The following ADAMTSL1 variants were observed in gnomAD, a reference collection of about 807,000 sequenced individuals.
The protein encoded by ADAMTSL1 is ADAMTS like 1.
In ADAMTSL1, 126 loss-of-function variants were observed where a neutral mutation model predicts 201.8. That is an observed-to-expected ratio of 0.62 (90% confidence interval 0.54 to 0.72). The LOEUF is 0.72. Among genes scored for constraint, ADAMTSL1 ranks in the 30% least tolerant of loss-of-function variants. The pLI, the probability that ADAMTSL1 is intolerant of heterozygous loss-of-function variation, is 0.00. For synonymous variants in ADAMTSL1, 1,121 were observed against 903.4 expected, an observed-to-expected ratio of 1.24 and a Z score of -4.32; for missense variants, 2,679 against 2,277.8, an observed-to-expected ratio of 1.18 and a Z score of -3.59.
intron 1 of ADAMTSL1, among the ~76,000 whole-genome samples, chr9:17,923,554 A>G (rs538368599): frequency 1.3e-5 from 2 of 151,246 alleles, no homozygotes; most frequent in African/African-American, 2.4e-5. Context: ...TAGATATACA[A>G]TCATGTCGTC....
chr9:18,523,211 A>T (rs561518931), intron 2 of ADAMTSL1, among the ~76,000 whole-genome samples: 4 of 152,136 alleles, frequency 2.6e-5, no homozygotes, highest in African/African-American at 9.6e-5. Flanking sequence ...GCATTTTTTC[A>T]TGTGTCTGTT....
At position 18,721,498 on chromosome 9, in the gene ADAMTSL1, A is replaced by C. The variant is rs752153642; in HGVS notation, c.1877-38A>C. 18 of 1,609,138 alleles carry C rather than the reference A, an allele frequency of 1.1e-5. No individual in the cohort carries two copies. In the East Asian group the frequency reaches 3.8e-4, roughly 34 times the overall value. On this transcript the variant is annotated intron_variant, in intron 14 of 28. Transcript: ENST00000380548. ...TTCATCACCCCCCACACACACACCC[A>C]CTTTGCACTCTGGCCTGACCGTGTG...
intron 4 of ADAMTSL1, among the ~76,000 whole-genome samples, chr9:18,577,289 C>G (rs1183270429): frequency 6.6e-6 from 1 of 152,086 alleles, no homozygotes; most frequent in African/African-American, 2.4e-5. Flanking sequence ...AGTTTGAGAC[C>G]TGCCTGGCCA....
intron 13 of ADAMTSL1, among the ~76,000 whole-genome samples, chr9:18,701,137 G>T (rs1455694383): frequency 6.6e-6 from 1 of 151,074 alleles, no homozygotes; most frequent in Non-Finnish European, 1.5e-5. Flanking sequence ...ATAGCTCAAA[G>T]TCAATGAAAG....
chr9:18,723,237 C>A, intron 15 of ADAMTSL1: 1 of 637,408 alleles, frequency 1.6e-6, no homozygotes, highest in Non-Finnish European at 2.8e-6. Flanking sequence ...TAGGCAGAAG[C>A]ATTAAACAGC....
intron 2 of ADAMTSL1, among the ~76,000 whole-genome samples, chr9:18,435,818 T>C (rs1331458346): frequency 6.6e-6 from 1 of 152,018 alleles, no homozygotes; most frequent in Admixed American, 6.5e-5. Context: ...TTTTAAAACA[T>C]CACATCTCAT....
At chr9:17,941,698 T>G (rs550737482) in intron 1 of ADAMTSL1, among the ~76,000 whole-genome samples, 1 of 152,262 alleles carries the variant, frequency 6.6e-6, no homozygotes, top group Admixed American at 6.5e-5. Flanking sequence ...GTGTGTGGGT[T>G]TATTTAAAAA....
chr9:18,725,452 C>CATCACA (rs1486754455), intron 15 of ADAMTSL1, among the ~76,000 whole-genome samples: 1 of 152,124 alleles, frequency 6.6e-6, no homozygotes, highest in Non-Finnish European at 1.5e-5. Context: ...TGTGAGCTGC[C>CATCACA]AGTGAGAATT....
At chr9:18,438,287 A>T (rs535073942) in intron 2 of ADAMTSL1, among the ~76,000 whole-genome samples, 1 of 152,130 alleles carries the variant, frequency 6.6e-6, no homozygotes, top group East Asian at 1.9e-4. Context: ...TATCAACAGA[A>T]CTTGTTATTT....
intron 1 of ADAMTSL1, among the ~76,000 whole-genome samples, chr9:18,045,418 C>A (rs1049445117): frequency 1.3e-5 from 2 of 151,976 alleles, no homozygotes; most frequent in Non-Finnish European, 2.9e-5. Flanking sequence ...AGTGATTTTG[C>A]CTTCTTTTGC....
chr9:18,545,888 C>G (rs1033270570), intron 3 of ADAMTSL1, among the ~76,000 whole-genome samples: 1 of 152,148 alleles, frequency 6.6e-6, no homozygotes, highest in Non-Finnish European at 1.5e-5. Context: ...ATGTGTTCAG[C>G]CTGGTTTCTG....
At chr9:18,558,938 T>C (rs1355173104) in intron 3 of ADAMTSL1, among the ~76,000 whole-genome samples, 2 of 152,188 alleles carry the variant, frequency 1.3e-5, no homozygotes, top group Non-Finnish European at 2.9e-5. Flanking sequence ...TTGCAAAAAA[T>C]TTCTCCCATT....
At chr9:17,993,217 G>T (rs1341122356) in intron 1 of ADAMTSL1, among the ~76,000 whole-genome samples, 2 of 152,162 alleles carry the variant, frequency 1.3e-5, no homozygotes, top group Admixed American at 1.3e-4. Flanking sequence ...ATGAAATCAT[G>T]CAGAAGGGTG....
rs1489533005 is a variant in ADAMTSL1, at chr9:18,579,440, A to G, written c.474+5174A>G. 2.0e-5 allele frequency among the ~76,000 whole-genome samples: 3 copies of G among 151,304 alleles called. No homozygotes were observed. In the East Asian group the frequency reaches 5.8e-4, roughly 29 times the overall value. On this transcript the variant is annotated intron_variant, in intron 4 of 28. Coordinates refer to ENST00000380548, the MANE Select transcript of ADAMTSL1 (RefSeq NM_001040272.6). Reference sequence around the variant, plus strand: ...CAGCACACCAGCATGGCACATGTATACATATGTAACTAACCTGCACAATGT... The same window carrying G: ...CAGCACACCAGCATGGCACATGTATGCATATGTAACTAACCTGCACAATGT...
At chr9:18,617,108 C>A (rs1408165039) in intron 4 of ADAMTSL1, among the ~76,000 whole-genome samples, 1 of 152,102 alleles carries the variant, frequency 6.6e-6, no homozygotes, top group Non-Finnish European at 1.5e-5. Context: ...GATGTTGGAT[C>A]AAGAAAAGCT....
At chr9:18,661,884 T>C in intron 8 of ADAMTSL1, 51 bp from the exon 9 acceptor site, 1 of 1,560,714 alleles carries the variant, frequency 6.4e-7, no homozygotes, top group Non-Finnish European at 8.7e-7. Context: ...TAAAGAAATA[T>C]ATTGCATTGG....
intron 2 of ADAMTSL1, among the ~76,000 whole-genome samples, chr9:18,188,929 G>A (rs1174012499): frequency 6.6e-6 from 1 of 152,178 alleles, no homozygotes; most frequent in Non-Finnish European, 1.5e-5. Context: ...CAACTAGTGA[G>A]GAAACTGAGG....
At chr9:18,676,344 T>C (rs1235731433) in intron 10 of ADAMTSL1, among the ~76,000 whole-genome samples, 2 of 152,128 alleles carry the variant, frequency 1.3e-5, no homozygotes, top group Admixed American at 6.6e-5. Context: ...TTATTCTGCA[T>C]AGGGGCTTTA....
In ADAMTSL1 at chr9:18,703,727, T is replaced by TATATATATATATATATATATAC. The variant is rs1832067894; in HGVS notation, c.1575-3012_1575-3011insATATATATATATACATATATAT. Among the ~76,000 whole-genome samples, 3 of 139,010 alleles carry TATATATATATATATATATATAC rather than the reference T, an allele frequency of 2.2e-5. No homozygotes were observed. The South Asian group carries it at 6.9e-4, about 32-fold the overall frequency. 91.2% of individuals were successfully genotyped at this position (139,010 alleles called of 152,430 possible). A position where few individuals can be genotyped will look rare whatever the true frequency, so the allele number is the denominator to read the frequency against. On this transcript the variant is annotated intron_variant, in intron 13 of 28. Transcript: ENST00000380548. ...ATATATATATATATATATATATATA[T>TATATATATATATATATATATAC]ATATATATGTTTTAATTGAAGCATG... is the stretch of plus-strand genomic sequence containing the variant.
Sources: gnomAD v4.1 joint callset for allele counts (sites outside exome capture counted in the v4.1 genomes callset) on GRCh38, gnomAD v4.1.1 for gene constraint, MANE v1.5 for transcripts, NCBI Gene and HGNC (gene_info 2026-07-23, HGNC 2026-07-21) for gene names.